CUX1: variants seen among roughly 807,000 people sequenced by gnomAD.
CUX1 encodes protein CASP.
In CUX1, 31 loss-of-function variants were observed where a neutral mutation model predicts 158.8. The ratio of observed to expected loss-of-function variants is 0.20; its 90% CI spans 0.15 to 0.26. CUX1 has a LOEUF of 0.26. Among genes scored for constraint, CUX1 ranks in the 10% least tolerant of loss-of-function variants. CUX1 has a pLI of 1.00. For missense variants in CUX1, 1,589 were observed against 2,014.6 expected, an observed-to-expected ratio of 0.79 and a Z score of 4.04; for synonymous variants, 879 against 862.1, an observed-to-expected ratio of 1.02 and a Z score of -0.34.
rs2131939376 is a variant in CUX1, at chr7:102,193,386, T to C, written c.1077-456T>C. On this transcript the variant is annotated intron_variant, in intron 12 of 23. Coordinates refer to ENST00000292535, the MANE Select transcript of CUX1 (RefSeq NM_181552.4). Reference sequence around the variant, plus strand: ...TGCCAGCCAACTGCTAGTTGAATAGTTATTCTAGAGACATTATCAGATTCT... The same window carrying C: ...TGCCAGCCAACTGCTAGTTGAATAGCTATTCTAGAGACATTATCAGATTCT... Among the ~76,000 whole-genome samples, 2 of 152,376 alleles carry C rather than the reference T, an allele frequency of 1.3e-5. 1 individual carries two copies. The highest frequency in any genetic ancestry group is 6.8e-3 in the Middle Eastern group (2 of 294).
chr7:101,926,755 C>G (rs552860370), intron 2 of CUX1, among the ~76,000 whole-genome samples: 1 of 152,122 alleles, frequency 6.6e-6, no homozygotes, highest in African/African-American at 2.4e-5. Flanking sequence ...ACTTGGTCCC[C>G]TTATGTATAA....
intron 20 of CUX1, among the ~76,000 whole-genome samples, chr7:102,213,530 T>C (rs545930233): frequency 1.3e-5 from 2 of 152,318 alleles, no homozygotes; most frequent in East Asian, 1.9e-4. Flanking sequence ...GCTCCCTGGT[T>C]TCCCCTTCTG....
At chr7:101,870,373 T>C (rs1442992161) in intron 1 of CUX1, among the ~76,000 whole-genome samples, 1 of 152,018 alleles carries the variant, frequency 6.6e-6, no homozygotes, top group Non-Finnish European at 1.5e-5. Context: ...TGTTTCACCA[T>C]GTTGCTCAGT....
intron 2 of CUX1, among the ~76,000 whole-genome samples, chr7:101,942,328 C>G (rs1245327621): frequency 1.3e-5 from 2 of 152,188 alleles, no homozygotes; most frequent in African/African-American, 4.8e-5. Context: ...GAACAAAAGT[C>G]TTTTTTGAAT....
At chr7:102,022,613 C>T (rs1280595567) in intron 2 of CUX1, among the ~76,000 whole-genome samples, 1 of 135,022 alleles carries the variant, frequency 7.4e-6, no homozygotes, top group South Asian at 2.3e-4. Context: ...GACACTGTCT[C>T]AAAAAAAAAA....
chr7:101,984,872 T>C (rs886123188), intron 2 of CUX1, among the ~76,000 whole-genome samples: 2 of 152,244 alleles, frequency 1.3e-5, no homozygotes, highest in Non-Finnish European at 2.9e-5. Context: ...TTTTATTATA[T>C]ATTAAAGTTT....
rs1194086984 is a variant in CUX1, at chr7:102,253,943, C to A, written c.*4901C>A. On this transcript the variant is annotated 3_prime_UTR_variant, in exon 24 of 24. Transcript: ENST00000292535. ...TCATTGTCCCTTCTACCTCACTAACCTGTCTTCTCCATCTGATGTCACCCA... is the reference window on the plus strand; with the variant it reads ...TCATTGTCCCTTCTACCTCACTAACATGTCTTCTCCATCTGATGTCACCCA... 2 of 985,480 alleles carry A rather than the reference C, an allele frequency of 2.0e-6. No homozygotes were observed. Among genetic ancestry groups the A allele is most frequent in the African/African-American group, 3.5e-5 (2 of 57,224 alleles). 61.0% of individuals were successfully genotyped at this position (985,480 alleles called of 1,614,324 possible). A position where few individuals can be genotyped will look rare whatever the true frequency, so the allele number is the denominator to read the frequency against.
At chr7:102,017,222 C>G (rs1329343003) in intron 2 of CUX1, among the ~76,000 whole-genome samples, 1 of 127,306 alleles carries the variant, frequency 7.9e-6, no homozygotes, top group Admixed American at 8.0e-5. Context: ...ACCTGGGAGG[C>G]GGAGGTTGCA....
At chr7:102,100,767 G>C (rs1554486068) in intron 5 of CUX1, among the ~76,000 whole-genome samples, 2 of 150,756 alleles carry the variant, frequency 1.3e-5, no homozygotes, top group African/African-American at 4.9e-5. Context: ...AGGAGTTCGA[G>C]ACCAGCCTGG....
chr7:102,003,475 C>A (rs1392601688), intron 2 of CUX1, among the ~76,000 whole-genome samples: 1 of 152,192 alleles, frequency 6.6e-6, no homozygotes, highest in Non-Finnish European at 1.5e-5. Flanking sequence ...GCCTTGCATT[C>A]ATTGTTTGCT....
At chr7:102,136,629 T>C (rs1833939408) in intron 8 of CUX1, among the ~76,000 whole-genome samples, 1 of 152,212 alleles carries the variant, frequency 6.6e-6, no homozygotes, top group South Asian at 2.1e-4. Flanking sequence ...GACGTCATGA[T>C]CCGCCCACCT....
intron 11 of CUX1, among the ~76,000 whole-genome samples, chr7:102,182,975 A>G (rs1359139161): frequency 1.3e-5 from 2 of 152,166 alleles, no homozygotes; most frequent in East Asian, 3.9e-4. Flanking sequence ...CATGCGTTAG[A>G]ATCACCTAGG....
intron 1 of CUX1, among the ~76,000 whole-genome samples, chr7:101,898,425 G>A (rs1189025929): frequency 6.6e-6 from 1 of 152,124 alleles, no homozygotes; most frequent in African/African-American, 2.4e-5. Context: ...GCAGCCGCCG[G>A]GACGGGGAAG....
chr7:101,861,997 G>A (rs1242214274), intron 1 of CUX1, among the ~76,000 whole-genome samples: 1 of 151,974 alleles, frequency 6.6e-6, no homozygotes, highest in Admixed American at 6.6e-5. Context: ...ACCATGCCCG[G>A]CAAATTTTTA....
chr7:101,893,157 AC>A (rs1398180200), intron 1 of CUX1, among the ~76,000 whole-genome samples: 3 of 43,488 alleles, frequency 6.9e-5, no homozygotes, highest in African/African-American at 2.1e-4. Flanking sequence ...TATTTTTATT[AC>A]TTTTTTTTTT....
intron 20 of CUX1, 29 bp downstream of exon 20, chr7:102,205,199 A>G: frequency 6.5e-7 from 1 of 1,542,062 alleles, no homozygotes; most frequent in Non-Finnish European, 9.0e-7. Flanking sequence ...TTGCTTTTGC[A>G]TGAAATGTCT....
chr7:102,079,725 T>C (rs190972064), intron 4 of CUX1, among the ~76,000 whole-genome samples: 89 of 152,232 alleles, frequency 5.8e-4, no homozygotes, highest in African/African-American at 1.8e-3. Flanking sequence ...ATAAAACATT[T>C]TCATTCATGT....
exon 17 of CUX1, chr7:102,275,266 C>T (rs199776060): frequency 1.5e-4 from 234 of 1,609,388 alleles, no homozygotes; most frequent in Admixed American, 2.0e-4. Context: ...CACCAGCCAG[C>T]GGTGCCCTCC....
At chr7:101,816,988 C>T (rs1486955653), upstream of CUX1, 4 of 984,190 alleles carry the variant, frequency 4.1e-6, no homozygotes, top group Middle Eastern at 5.2e-4. Flanking sequence ...CCGCCGCGCT[C>T]TTTTGTGTGC....
Sources: allele counts gnomAD v4.1 joint callset (sites outside exome capture counted in the v4.1 genomes callset), GRCh38; gene constraint gnomAD v4.1.1; transcripts MANE v1.5; gene names NCBI Gene and HGNC (gene_info 2026-07-23, HGNC 2026-07-21).